The following ME2 variants were observed in gnomAD, a reference collection of about 807,000 sequenced individuals.
ME2 encodes the protein malic enzyme 2.
In ME2, 60 loss-of-function variants were observed where a neutral mutation model predicts 73.7. The ratio of observed to expected loss-of-function variants is 0.81; its 90% confidence interval spans 0.66 to 1.01. The LOEUF (loss-of-function observed/expected upper bound fraction) is 1.01. Ranked by LOEUF, ME2 falls within the 50% of genes least tolerant of loss-of-function variation. The pLI, the probability that ME2 is intolerant of heterozygous loss-of-function variation, is 0.00. For synonymous variants in ME2, 199 were observed against 236.9 expected (o/e 0.84, Z 1.47); for missense variants, 594 against 705.5 (o/e 0.84, Z 1.79).
intron 1 of ME2, among the ~76,000 whole-genome samples, chr18:50,881,775 C>T (rs1916330009): frequency 6.6e-6 from 1 of 152,218 alleles, no homozygotes; most frequent in African/African-American, 2.4e-5. Context: ...CCACCTTAGT[C>T]TACAACTACT....
chr18:50,925,784 T>C lies in ME2; in HGVS notation c.1200T>C (p.Thr400=), dbSNP rs752926443. ...TTGCAGGTGCTGGCCGTCTTTTCAC[T>C]CCTGATGTAATCAGAGCCATGGCCT... The part of the protein sequence containing the change: ...IGVAGAGRLF[T]PDVIRAMASI... Residue 400 remains threonine, a synonymous_variant, in exon 12 of 16, where the codon ACT becomes ACC. Transcript: ENST00000321341. 2 of 1,614,016 alleles carry C rather than the reference T, an allele frequency of 1.2e-6. No individual in the cohort carries two copies. The highest frequency in any genetic ancestry group is 1.7e-6 in the Non-Finnish European group (2 of 1,179,904).
intron 13 of ME2, 97 bp from the exon 14 acceptor site, chr18:50,939,473 T>G: frequency 1.3e-6 from 1 of 748,404 alleles, no homozygotes; most frequent in Non-Finnish European, 2.3e-6. Flanking sequence ...CTGTTTGCGA[T>G]GTGGATGGAT....
At chr18:50,946,561 T>C (rs1019811595) in intron 15 of ME2, among the ~76,000 whole-genome samples, 2 of 152,228 alleles carry the variant, frequency 1.3e-5, no homozygotes, top group African/African-American at 4.8e-5. Flanking sequence ...GTATAGGTTC[T>C]AGCCCTGACT....
rs967397431 is a variant in ME2 at position 50,912,589 on chromosome 18, C to T, written c.243-212C>T. Reference sequence around the variant, plus strand: ...GTTTCTATTGTTATTTCATCGTCATCATCATCTACTATTTAAGTACCCTCA... The same window carrying T: ...GTTTCTATTGTTATTTCATCGTCATTATCATCTACTATTTAAGTACCCTCA... On this transcript the variant is annotated intron_variant, in intron 3 of 15. Transcript: ENST00000321341. Among the ~76,000 whole-genome samples the T allele has an allele frequency of 2.0e-5, 3 of 152,160 alleles. No homozygotes were observed. In the East Asian group the frequency reaches 5.8e-4, roughly 29 times the overall value.
intron 2 of ME2, among the ~76,000 whole-genome samples, chr18:50,902,042 A>G (rs746179890): frequency 2.0e-5 from 3 of 152,242 alleles, no homozygotes; most frequent in Non-Finnish European, 4.4e-5. Context: ...AGCCAAATTC[A>G]AATATCCTAA....
At chr18:50,946,711 A>G (rs1457487760) in intron 15 of ME2, among the ~76,000 whole-genome samples, 2 of 152,212 alleles carry the variant, frequency 1.3e-5, no homozygotes, top group African/African-American at 4.8e-5. Flanking sequence ...TGATTAGGAA[A>G]TAGTCTCTGT....
At chr18:50,884,253 CTT>C (rs1368420624) in intron 1 of ME2, among the ~76,000 whole-genome samples, 10 of 152,046 alleles carry the variant, frequency 6.6e-5, no homozygotes, top group African/African-American at 1.9e-4. Context: ...TTATAATACT[CTT>C]TTGCATATAT....
At position 50,927,580 on chromosome 18, in the gene ME2, T is replaced by A. The variant is rs559461790; in HGVS notation, c.1314+1682T>A. Among the ~76,000 whole-genome samples the A allele has an allele frequency of 4.5e-4, 68 of 151,226 alleles. 1 individual carries two copies. The South Asian group carries it at 9.6e-3, about 21-fold the overall frequency. ...AGCCAGATGTGGTGGCGGGTGCCTT[T>A]AGTCCCAGCTGCTGGGGAGGCTGAG... On this transcript the variant is annotated intron_variant, in intron 12 of 15. Coordinates refer to ENST00000321341, the MANE Select transcript of ME2 (RefSeq NM_002396.5).
chr18:50,950,729 TC>T lies in ME2; in HGVS notation c.*3547del, dbSNP rs1358577826. On this transcript the variant is annotated 3_prime_UTR_variant, in exon 16 of 16. Transcript: ENST00000321341. ...GTCTCGAACTCCTGACCTCAAGTGA[TC>T]CAACCACCTCAGCCTCCCAAAGTGC... 2 of 152,090 alleles carry T rather than the reference TC, an allele frequency of 1.3e-5. No individual in the cohort carries two copies. The highest frequency in any genetic ancestry group is 2.9e-5 in the Non-Finnish European group (2 of 68,104). The allele number at this position is 152,090 out of a possible 1,614,324, so 9.4% of individuals were successfully genotyped here.
intron 1 of ME2, among the ~76,000 whole-genome samples, chr18:50,892,788 A>G (rs1190349125): frequency 6.6e-6 from 1 of 152,148 alleles, no homozygotes; most frequent in Non-Finnish European, 1.5e-5. Flanking sequence ...TTATTCTAAG[A>G]AAAACAATTC....
At chr18:50,930,415 C>T (rs1214937459) in intron 12 of ME2, among the ~76,000 whole-genome samples, 1 of 152,154 alleles carries the variant, frequency 6.6e-6, no homozygotes, top group East Asian at 1.9e-4. Flanking sequence ...GTTACTCCAA[C>T]ACCGTTTGCT....
In ME2 at chr18:50,881,946, G is replaced by A. The variant is rs78099802; in HGVS notation, c.-13+2638G>A. On this transcript the variant is annotated intron_variant, in intron 1 of 15. Coordinates refer to ENST00000321341, the MANE Select transcript of ME2 (RefSeq NM_002396.5). ...TGATGAGAAAATGCAAATTGGGGAGGTTGTGATTTACTCAGCATCACAGAG... is the reference window on the plus strand; with the variant it reads ...TGATGAGAAAATGCAAATTGGGGAGATTGTGATTTACTCAGCATCACAGAG... 1.7e-3 allele frequency among the ~76,000 whole-genome samples: 255 copies of A among 152,274 alleles called. 3 individuals carry two copies. In the East Asian group the frequency reaches 0.043, roughly 26 times the overall value.
At chr18:50,913,860 T>TATACACACAC (rs112137080) in intron 4 of ME2, among the ~76,000 whole-genome samples, 5,397 of 143,248 alleles carry the variant, frequency 0.038, 244 homozygotes, top group African/African-American at 0.1. Context: ...AGCAATATTA[T>TATACACACAC]ACACACACAC....
chr18:50,899,317 G>T (rs1267518575), intron 2 of ME2, among the ~76,000 whole-genome samples: 1 of 152,114 alleles, frequency 6.6e-6, no homozygotes, highest in Non-Finnish European at 1.5e-5. Context: ...GACATGAAAA[G>T]AAAAATTGTC....
chr18:50,882,119 C>T (rs1378336369), intron 1 of ME2, among the ~76,000 whole-genome samples: 2 of 152,208 alleles, frequency 1.3e-5, no homozygotes, highest in Non-Finnish European at 2.9e-5. Flanking sequence ...CTGCCTCAGC[C>T]TCTGAAGTAG....
intron 10 of ME2, among the ~76,000 whole-genome samples, chr18:50,921,586 A>T (rs547598828): frequency 4.0e-4 from 61 of 151,858 alleles, no homozygotes; most frequent in Non-Finnish European, 6.8e-4. Context: ...ATTATTATTT[A>T]TTTTTTTTGA....
At chr18:50,890,941 T>G (rs890900525) in intron 1 of ME2, among the ~76,000 whole-genome samples, 28 of 152,212 alleles carry the variant, frequency 1.8e-4, no homozygotes, top group African/African-American at 6.5e-4. Context: ...TGAGCCTGGC[T>G]CTGCCCTGCA....
chr18:50,928,595 A>G (rs568757045), intron 12 of ME2, among the ~76,000 whole-genome samples: 27 of 152,308 alleles, frequency 1.8e-4, no homozygotes, highest in African/African-American at 6.5e-4. Context: ...TATAGCAATA[A>G]TTTAAGGCTG....
Position 50,928,440 on chromosome 18 carries a change from A to G in ME2, c.1314+2542A>G, listed in dbSNP as rs922095507. ...TTTTTAGTAGATATGGGGTTTTACC[A>G]TGTTAGCCAGGATGGTCTCGATTTC... On this transcript the variant is annotated intron_variant, in intron 12 of 15. Coordinates refer to ENST00000321341, the MANE Select transcript of ME2 (RefSeq NM_002396.5). Among the ~76,000 whole-genome samples the G allele has an allele frequency of 6.0e-5, 9 of 149,646 alleles. No individual in the cohort carries two copies. In the South Asian group the frequency reaches 8.6e-4, roughly 14 times the overall value.
Sources: gnomAD v4.1 joint callset for allele counts (sites outside exome capture counted in the v4.1 genomes callset) on GRCh38, gnomAD v4.1.1 for gene constraint, MANE v1.5 for transcripts, NCBI Gene and HGNC (gene_info 2026-07-23, HGNC 2026-07-21) for gene names.